MYO1B: variants seen among roughly 807,000 people sequenced by gnomAD.
The protein encoded by MYO1B is unconventional myosin-Ib.
A neutral mutation model predicts 159.7 loss-of-function variants in MYO1B; 72 were observed. The observed-to-expected ratio is 0.45, with a 90% CI of 0.37 to 0.55. The LOEUF is 0.55. Ranked by LOEUF, MYO1B falls within the 20% of genes least tolerant of loss-of-function variation. The pLI is 0.00. For synonymous variants in MYO1B, 468 were observed against 473.8 expected (o/e 0.99, Z 0.16); for missense variants, 1,062 against 1,364.8 (o/e 0.78, Z 3.50).
At chr2:191,361,949 A>G (rs965482481) in intron 8 of MYO1B, among the ~76,000 whole-genome samples, 9 of 152,204 alleles carry the variant, frequency 5.9e-5, no homozygotes, top group Admixed American at 2.0e-4. Flanking sequence ...CACATATGTT[A>G]TAATGAAATA....
chr2:191,265,925 T>G (rs1559126547), intron 1 of MYO1B, among the ~76,000 whole-genome samples: 2 of 151,960 alleles, frequency 1.3e-5, no homozygotes, highest in African/African-American at 2.4e-5. Context: ...TGCTGCCCAT[T>G]CTGGACCTTC....
chr2:191,362,839 T>C (rs376949196), intron 9 of MYO1B, among the ~76,000 whole-genome samples: 13 of 152,376 alleles, frequency 8.5e-5, no homozygotes, highest in African/African-American at 3.1e-4. Flanking sequence ...TACTCTGTTT[T>C]CTGTCTTAAT....
Position 191,414,155 on chromosome 2 carries a change from A to G in MYO1B, c.2981A>G (p.Asn994Ser). ...EEKIIIAEVV[N>S]KINRANGKST... ...AAGATCATCATTGCTGAAGTCGTGA[A>G]CAAAATTAACCGTGCTAATGGGAAG... is the stretch of plus-strand genomic sequence containing the variant. The change falls in exon 28 of 31, where the codon AAC becomes AGC. Residue 994 changes from asparagine to serine, a missense_variant. Coordinates refer to ENST00000392318, the MANE Select transcript of MYO1B (RefSeq NM_001130158.3). 6.2e-7 allele frequency: 1 copy of G among 1,613,424 alleles called. No homozygotes were observed.
chr2:191,396,157 T>TAACCC (rs1207710059), intron 20 of MYO1B, among the ~76,000 whole-genome samples: 1 of 152,218 alleles, frequency 6.6e-6, no homozygotes, highest in African/African-American at 2.4e-5. Flanking sequence ...GAACCCTGTA[T>TAACCC]TATAACAGCA....
intron 30 of MYO1B, among the ~76,000 whole-genome samples, chr2:191,419,450 C>G (rs1261090529): frequency 2.0e-5 from 3 of 151,930 alleles, no homozygotes; most frequent in African/African-American, 7.3e-5. Flanking sequence ...GATCTCCTGA[C>G]CTTGTGATCT....
At chr2:191,353,877 T>C (rs932835333) in intron 7 of MYO1B, among the ~76,000 whole-genome samples, 1 of 152,234 alleles carries the variant, frequency 6.6e-6, no homozygotes, top group African/African-American at 2.4e-5. Flanking sequence ...GTTATTTGTT[T>C]ATTGTCTCTA....
chr2:191,369,713 A>G (rs2126036229), intron 12 of MYO1B, 85 bp downstream of exon 12: 1 of 1,016,194 alleles, frequency 9.8e-7, no homozygotes, highest in East Asian at 2.5e-5. Context: ...TAAATTTATA[A>G]TCAAATAATT....
At chr2:191,381,068 G>A in intron 13 of MYO1B, 1 of 329,352 alleles carries the variant, frequency 3.0e-6, no homozygotes, top group Non-Finnish European at 5.9e-6. Flanking sequence ...CAGTTCAGGG[G>A]GACTTCCTTG....
At chr2:191,317,383 C>T (rs530658437) in intron 3 of MYO1B, among the ~76,000 whole-genome samples, 2 of 152,338 alleles carry the variant, frequency 1.3e-5, no homozygotes, top group South Asian at 4.1e-4. Context: ...TCTCATTAGC[C>T]AGCTCTGAAG....
chr2:191,255,534 C>T (rs1291204948), intron 1 of MYO1B, among the ~76,000 whole-genome samples: 1 of 151,974 alleles, frequency 6.6e-6, no homozygotes, highest in Non-Finnish European at 1.5e-5. Flanking sequence ...GCTCAGAAGC[C>T]CCAAGGTGGG....
At chr2:191,413,672 T>TC (rs1489328505) in intron 27 of MYO1B, among the ~76,000 whole-genome samples, 1 of 152,208 alleles carries the variant, frequency 6.6e-6, no homozygotes, top group Non-Finnish European at 1.5e-5. Flanking sequence ...CGTTAGTAAA[T>TC]CCTTTGTGAG....
chr2:191,285,908 A>G (rs540212426), intron 2 of MYO1B, among the ~76,000 whole-genome samples: 116 of 152,248 alleles, frequency 7.6e-4, no homozygotes, highest in African/African-American at 2.6e-3. Flanking sequence ...AGGGGTTCCT[A>G]GGTGAGTTCA....
At chr2:191,312,519 TTATC>T (rs1690068996) in intron 3 of MYO1B, among the ~76,000 whole-genome samples, 1 of 152,246 alleles carries the variant, frequency 6.6e-6, no homozygotes, top group Non-Finnish European at 1.5e-5. Context: ...TGACTTTTAT[TTATC>T]TTATGTATCT....
chr2:191,287,412 C>T (rs1372931137), intron 2 of MYO1B, among the ~76,000 whole-genome samples: 1 of 152,006 alleles, frequency 6.6e-6, no homozygotes, highest in African/African-American at 2.4e-5. Context: ...CACCTGTAAT[C>T]CCAGCTACTC....
chr2:191,262,674 C>A (rs34590422), intron 1 of MYO1B, among the ~76,000 whole-genome samples: 57,156 of 151,796 alleles, frequency 0.38, 10,755 homozygotes, highest in Middle Eastern at 0.52. Context: ...GGTCTGACTC[C>A]TAGTCTAGCC....
chr2:191,304,070 G>A (rs1249386857), intron 3 of MYO1B, among the ~76,000 whole-genome samples: 2 of 152,188 alleles, frequency 1.3e-5, no homozygotes, highest in African/African-American at 4.8e-5. Context: ...TCTTGACTTA[G>A]GCGAGTTTCA....
intron 2 of MYO1B, among the ~76,000 whole-genome samples, chr2:191,295,846 C>T (rs756383674): frequency 7.9e-5 from 12 of 151,996 alleles, no homozygotes; most frequent in East Asian, 1.9e-4. Flanking sequence ...GAACTCTTAC[C>T]GAGAACCGTA....
At chr2:191,266,583 T>A (rs983801823) in intron 1 of MYO1B, among the ~76,000 whole-genome samples, 3 of 152,236 alleles carry the variant, frequency 2.0e-5, no homozygotes, top group African/African-American at 4.8e-5. Flanking sequence ...TGTAATAGAA[T>A]AGGTGTGAAA....
At chr2:191,347,482 T>C (rs1481432125) in intron 6 of MYO1B, among the ~76,000 whole-genome samples, 1 of 152,242 alleles carries the variant, frequency 6.6e-6, no homozygotes, top group Non-Finnish European at 1.5e-5. Flanking sequence ...GTTTGCAAAT[T>C]ACATACACAC....
Sources: gnomAD v4.1 joint callset for allele counts (sites outside exome capture counted in the v4.1 genomes callset) on GRCh38, gnomAD v4.1.1 for gene constraint, MANE v1.5 for transcripts, NCBI Gene and HGNC (gene_info 2026-07-23, HGNC 2026-07-21) for gene names.